ABLIM1: variants seen among roughly 807,000 people sequenced by gnomAD.
The protein encoded by ABLIM1 is actin-binding LIM protein 1.
ABLIM1 carries 40 observed loss-of-function variants against 107.0 expected under a neutral mutation model. The ratio of observed to expected loss-of-function variants is 0.37; its 90% CI spans 0.29 to 0.49. The LOEUF (loss-of-function observed/expected upper bound fraction) is 0.49. Ranked by LOEUF, ABLIM1 falls within the 20% of genes least tolerant of loss-of-function variation. The pLI is 0.97. For synonymous variants in ABLIM1, 357 were observed against 357.3 expected (o/e 1.00, Z 0.01); for missense variants, 857 against 1,008.5 (o/e 0.85, Z 2.04).
upstream of ABLIM1, among the ~76,000 whole-genome samples, chr10:114,688,473 C>T (rs1369069216): frequency 2.0e-5 from 3 of 152,040 alleles, no homozygotes; most frequent in Non-Finnish European, 4.4e-5. Flanking sequence ...CTATAAACTT[C>T]ATAAACTGCA....
intron 4 of ABLIM1, among the ~76,000 whole-genome samples, chr10:114,567,663 T>A (rs1437156022): frequency 2.0e-5 from 3 of 152,328 alleles, no homozygotes; most frequent in African/African-American, 7.2e-5. Flanking sequence ...CTCTTTCATA[T>A]AAATGTCCAC....
intron 16 of ABLIM1, 49 bp downstream of exon 16, chr10:114,445,263 C>T: frequency 2.0e-6 from 3 of 1,511,526 alleles, no homozygotes; most frequent in Non-Finnish European, 2.8e-6. Context: ...AAATATAGAT[C>T]TTATGTAACT....
intron 1 of ABLIM1, among the ~76,000 whole-genome samples, chr10:114,672,597 G>C (rs1013271965): frequency 6.6e-6 from 1 of 152,164 alleles, no homozygotes; most frequent in Non-Finnish European, 1.5e-5. Context: ...TGTTCTTAAT[G>C]ATGTCCTTTG....
At chr10:114,742,482 A>T (rs1203326741) in intron 1 of ABLIM1, among the ~76,000 whole-genome samples, 1 of 152,212 alleles carries the variant, frequency 6.6e-6, no homozygotes, top group Non-Finnish European at 1.5e-5. Context: ...AAAGATGAAA[A>T]CATTCTCATC....
chr10:114,617,945 C>G (rs1234215200), intron 1 of ABLIM1, among the ~76,000 whole-genome samples: 1 of 152,126 alleles, frequency 6.6e-6, no homozygotes, highest in Non-Finnish European at 1.5e-5. Context: ...AAGACCCTGT[C>G]TCTATAAGAA....
At chr10:114,771,120 C>T (rs1215708806), upstream of ABLIM1, among the ~76,000 whole-genome samples, 7 of 111,380 alleles carry the variant, frequency 6.3e-5, no homozygotes, top group South Asian at 3.0e-4. Context: ...CATGAGCCAC[C>T]GCACCCGGCC....
chr10:114,671,054 AC>A (rs1408476954), intron 1 of ABLIM1, among the ~76,000 whole-genome samples: 1 of 151,966 alleles, frequency 6.6e-6, no homozygotes, highest in African/African-American at 2.4e-5. Flanking sequence ...CATACCTAAC[AC>A]CCCAGAAGGT....
Position 114,439,241 on chromosome 10 carries a change from C to T in ABLIM1, c.2077G>A (p.Asp693Asn). 1 of 1,614,226 alleles carries T rather than the reference C, an allele frequency of 6.2e-7. No homozygotes were observed. Among genetic ancestry groups the T allele is most frequent in the Non-Finnish European group, 8.5e-7 (1 of 1,180,036 alleles). Reference protein sequence around the residue: ...GGVRDYQTLPDGHMPAMRMDR... With the variant: ...GGVRDYQTLPNGHMPAMRMDR... ...ATTCTCATTGCAGGCATGTGGCCAT[C>T]TGGGAGTGTCTGCAACAGAAATGCC... The change falls in exon 21 of 23, where the codon GAT becomes AAT. Residue 693 changes from aspartate to asparagine, a missense_variant. This residue lies in a region of ABLIM1 where 193 missense variants were observed against 208.5 expected (regional missense o/e 0.93). Transcript: ENST00000533213.
chr10:114,758,108 C>T (rs79355637), intron 1 of ABLIM1, among the ~76,000 whole-genome samples: 1,592 of 152,214 alleles, frequency 0.01, 18 homozygotes, highest in African/African-American at 0.035. Flanking sequence ...GCAATAGCAC[C>T]TTCCCCACAC....
intron 6 of ABLIM1, among the ~76,000 whole-genome samples, chr10:114,516,194 G>A (rs978594425): frequency 6.6e-6 from 1 of 152,078 alleles, no homozygotes; most frequent in African/African-American, 2.4e-5. Context: ...CATTGTCTAA[G>A]GGAGTGAGGT....
At chr10:114,558,579 G>A (rs1158950978) in intron 4 of ABLIM1, among the ~76,000 whole-genome samples, 1 of 152,064 alleles carries the variant, frequency 6.6e-6, no homozygotes, top group Admixed American at 6.6e-5. Flanking sequence ...AAGGATGCGG[G>A]TGCCTTCTAG....
chr10:114,573,618 A>T (rs898987273), intron 3 of ABLIM1, among the ~76,000 whole-genome samples: 2 of 152,184 alleles, frequency 1.3e-5, no homozygotes, highest in African/African-American at 4.8e-5. Context: ...GAAACTACTA[A>T]ATTAGCATGC....
chr10:114,636,755 C>T (rs1031655414), intron 1 of ABLIM1, among the ~76,000 whole-genome samples: 3 of 151,978 alleles, frequency 2.0e-5, no homozygotes, highest in African/African-American at 2.4e-5. Context: ...TTGCAAGGCT[C>T]GGCGCAGTGG....
At chr10:114,529,804 A>G (rs1394780379) in intron 6 of ABLIM1, among the ~76,000 whole-genome samples, 10 of 152,164 alleles carry the variant, frequency 6.6e-5, no homozygotes, top group Non-Finnish European at 1.5e-4. Context: ...AGGCGGGTGG[A>G]TCACCTGAGG....
At chr10:114,592,299 T>C (rs973988517) in intron 2 of ABLIM1, among the ~76,000 whole-genome samples, 3 of 152,076 alleles carry the variant, frequency 2.0e-5, no homozygotes, top group African/African-American at 7.2e-5. Flanking sequence ...AGTGAAGAGC[T>C]TGTCAAGGCA....
intron 4 of ABLIM1, among the ~76,000 whole-genome samples, chr10:114,567,677 A>G (rs1253367168): frequency 6.6e-6 from 1 of 152,160 alleles, no homozygotes; most frequent in Non-Finnish European, 1.5e-5. Flanking sequence ...TGTCCACTCC[A>G]TCCACTTTGC....
intron 12 of ABLIM1, among the ~76,000 whole-genome samples, chr10:114,462,178 C>T (rs1304517084): frequency 1.3e-5 from 2 of 152,162 alleles, no homozygotes; most frequent in Admixed American, 1.3e-4. Flanking sequence ...GGCCATGACA[C>T]ATGGAGCAGC....
chr10:114,475,461 T>C (rs1459643831), intron 8 of ABLIM1, among the ~76,000 whole-genome samples: 1 of 152,228 alleles, frequency 6.6e-6, no homozygotes, highest in African/African-American at 2.4e-5. Flanking sequence ...TCATTAACTT[T>C]AGTCATGCTC....
chr10:114,674,708 CT>C (rs74409388), intron 1 of ABLIM1, among the ~76,000 whole-genome samples: 18,355 of 133,536 alleles, frequency 0.14, 859 homozygotes, highest in African/African-American at 0.21. Flanking sequence ...AATTGTTATT[CT>C]TTTTTTTTTT....
Sources: allele counts gnomAD v4.1 joint callset (sites outside exome capture counted in the v4.1 genomes callset), GRCh38; gene constraint gnomAD v4.1.1; regional missense constraint gnomAD v4.1.1; transcripts MANE v1.5; gene names NCBI Gene and HGNC (gene_info 2026-07-23, HGNC 2026-07-21).